PES1: variants seen among roughly 807,000 people sequenced by gnomAD.
PES1 encodes the protein pescadillo homolog.
A neutral mutation model predicts 77.1 loss-of-function variants in PES1; 31 were observed. That is an observed-to-expected ratio of 0.40 (90% CI 0.30 to 0.54). PES1 has a LOEUF of 0.54. Ranked by LOEUF, PES1 falls within the 20% of genes least tolerant of loss-of-function variation. The pLI, the probability that PES1 is intolerant of heterozygous loss-of-function variation, is 0.45. For synonymous variants in PES1, 282 were observed against 303.0 expected (o/e 0.93, Z 0.72); for missense variants, 658 against 771.7 (o/e 0.85, Z 1.75).
At chr22:30,602,226 G>T (rs932634375) in intron 2 of PES1, among the ~76,000 whole-genome samples, 2 of 152,028 alleles carry the variant, frequency 1.3e-5, no homozygotes, top group African/African-American at 4.8e-5. Context: ...TGATAGAGAG[G>T]GAGTTCTCAC....
chr22:30,583,126 C>T (rs780939937), intron 6 of PES1, among the ~76,000 whole-genome samples: 1 of 151,990 alleles, frequency 6.6e-6, no homozygotes, highest in Admixed American at 6.5e-5. Context: ...GGGGGCAGGA[C>T]ATCAGAGAGA....
chr22:30,576,918 G>T lies in PES1; in HGVS notation c.*128C>A. 1 of 787,826 alleles carries T rather than the reference G, an allele frequency of 1.3e-6. No individual in the cohort carries two copies. Among genetic ancestry groups the T allele is most frequent in the Non-Finnish European group, 2.2e-6 (1 of 456,448 alleles). 48.8% of individuals were successfully genotyped at this position (787,826 alleles called of 1,614,324 possible). On this transcript the variant is annotated 3_prime_UTR_variant, in exon 15 of 15. Transcript: ENST00000354694. Reference sequence around the variant, plus strand: ...ACTGGCCCAGCCAGAGAGCATGAGGGGTCAGGGCTGGCTGGAGAAAGGAGG... The same window carrying T: ...ACTGGCCCAGCCAGAGAGCATGAGGTGTCAGGGCTGGCTGGAGAAAGGAGG...
intron 6 of PES1, 23 bp from the exon 7 acceptor site, chr22:30,581,667 G>A (rs757587098): frequency 3.2e-5 from 49 of 1,524,220 alleles, no homozygotes; most frequent in East Asian, 4.5e-5. Flanking sequence ...AGAGATGCAT[G>A]AGCAGTGTGG....
chr22:30,582,293 C>T (rs1159770266), intron 6 of PES1, among the ~76,000 whole-genome samples: 1 of 152,204 alleles, frequency 6.6e-6, no homozygotes, highest in African/African-American at 2.4e-5. Flanking sequence ...TTGAGTGACT[C>T]CCTCCTTGGG....
At chr22:30,597,863 T>C (rs1039432028) in intron 2 of PES1, among the ~76,000 whole-genome samples, 7 of 147,570 alleles carry the variant, frequency 4.7e-5, no homozygotes, top group East Asian at 3.9e-4. Context: ...CGGTTTTTTT[T>C]CCACGCAGTT....
At chr22:30,606,269 C>T (rs982998581) in intron 1 of PES1, among the ~76,000 whole-genome samples, 1 of 152,086 alleles carries the variant, frequency 6.6e-6, no homozygotes, top group African/African-American at 2.4e-5. Flanking sequence ...CTCACTTTGT[C>T]ACCCAAGCTG....
chr22:30,579,019 C>A, intron 13 of PES1, 21 bp from the exon 14 acceptor site: 2 of 1,606,784 alleles, frequency 1.2e-6, no homozygotes, highest in South Asian at 1.1e-5. Context: ...AAGGAGGGTG[C>A]TTATGGGGGC....
At chr22:30,605,488 C>T (rs760165922) in exon 2 of PES1, 164 of 985,228 alleles carry the variant, frequency 1.7e-4, no homozygotes, top group Non-Finnish European at 1.9e-4. Context: ...GAAGGCTATC[C>T]TCCATGGCCA....
At chr22:30,602,886 C>T (rs1297782797) in intron 2 of PES1, among the ~76,000 whole-genome samples, 1 of 143,076 alleles carries the variant, frequency 7.0e-6, no homozygotes, top group African/African-American at 2.7e-5. Context: ...TAGTGTCTTG[C>T]TATTTATCTT....
At chr22:30,595,666 TTCCCAGTGCC>T (rs1420074495), upstream of PES1, among the ~76,000 whole-genome samples, 4 of 152,104 alleles carry the variant, frequency 2.6e-5, no homozygotes, top group African/African-American at 9.7e-5. Flanking sequence ...TTCCCAGTCC[TTCCCAGTGCC>T]TGGTCCCAGT....
At position 30,579,235 on chromosome 22, in the gene PES1, C is replaced by T. The variant is rs1477313905; in HGVS notation, c.1423G>A (p.Gly475Arg). The change falls in exon 13 of 15, where the codon GGA becomes AGA. Residue 475 changes from glycine (G) to arginine (R), a missense_variant. Transcript: ENST00000354694. ...DNNEGDGDEEGENEEEEEDAE... is the reference protein window; with the variant it reads ...DNNEGDGDEERENEEEEEDAE... The stretch of plus-strand genomic sequence containing the variant: ...TCTTCCTCCTCCTCCTCATTTTCTC[C>T]CTCTTCATCACCATCACCTTCGTTG... 7 of 1,605,028 alleles carry T rather than the reference C, an allele frequency of 4.4e-6. No homozygotes were observed. The highest frequency in any genetic ancestry group is 2.5e-6 in the Non-Finnish European group (3 of 1,179,072).
At chr22:30,584,204 T>C (rs534514510) in intron 6 of PES1, 161 bp downstream of exon 6, 2 of 638,812 alleles carry the variant, frequency 3.1e-6, no homozygotes, top group Non-Finnish European at 5.6e-6. Context: ...CCGCTCTTAA[T>C]GAGGATGCTG....
At chr22:30,592,442 G>C (rs2087198438), upstream of PES1, 2 of 976,468 alleles carry the variant, frequency 2.0e-6, no homozygotes, top group Admixed American at 1.2e-4. Flanking sequence ...CGGAGGTATA[G>C]AGATCCTAGA....
chr22:30,584,569 T>A lies in PES1; in HGVS notation c.517A>T (p.Ile173Phe). ...RLTVEFMHYI[I>F]AARALRKVFL... ...ACCTTGCGCAGGGCACGGGCAGCGATAATGTAGTGCATGAACTCCACAGTG... is the reference window on the plus strand; with the variant it reads ...ACCTTGCGCAGGGCACGGGCAGCGAAAATGTAGTGCATGAACTCCACAGTG... The change falls in exon 5 of 15, where the codon ATC (isoleucine) becomes TTC (phenylalanine). Residue 173 changes from isoleucine (I) to phenylalanine (F), a missense_variant. Ile to Phe is a conservative substitution (Grantham distance 21, BLOSUM62 0). Coordinates refer to ENST00000354694, the MANE Select transcript of PES1 (RefSeq NM_014303.4). 1 of 1,612,276 alleles carries A rather than the reference T, an allele frequency of 6.2e-7. No individual in the cohort carries two copies. The highest frequency in any genetic ancestry group is 8.5e-7 in the Non-Finnish European group (1 of 1,179,224).
intron 13 of PES1, 30 bp downstream of exon 13, chr22:30,579,107 G>A: frequency 1.2e-6 from 2 of 1,606,630 alleles, no homozygotes; most frequent in Non-Finnish European, 8.5e-7. Flanking sequence ...CTGCTTCCCA[G>A]GCCAAGCCCC....
intron 14 of PES1, 66 bp downstream of exon 14, chr22:30,578,771 T>A: frequency 1.3e-6 from 2 of 1,547,054 alleles, no homozygotes; most frequent in South Asian, 1.2e-5. Context: ...CCAAGCCACA[T>A]AAGTTCACCT....
chr22:30,605,615 C>G (rs1461527789), intron 1 of PES1: 2 of 295,538 alleles, frequency 6.8e-6, no homozygotes, highest in Admixed American at 1.3e-4. Context: ...CCATTGCACA[C>G]ACTTCACCAT....
At chr22:30,597,877 GTTTT>G (rs761137935) in intron 2 of PES1, among the ~76,000 whole-genome samples, 4 of 90,576 alleles carry the variant, frequency 4.4e-5, no homozygotes, top group Non-Finnish European at 9.6e-5. Context: ...CGCAGTTGAA[GTTTT>G]GTTTTTTTTT....
upstream of PES1, among the ~76,000 whole-genome samples, chr22:30,593,673 T>C (rs919862169): frequency 4.6e-5 from 7 of 152,158 alleles, no homozygotes; most frequent in Non-Finnish European, 1.0e-4. Flanking sequence ...TTGCAGAAAG[T>C]TGAGCCTTGT....
Sources: gnomAD v4.1 joint callset for allele counts (sites outside exome capture counted in the v4.1 genomes callset) on GRCh38, gnomAD v4.1.1 for gene constraint, MANE v1.5 for transcripts, NCBI Gene and HGNC (gene_info 2026-07-23, HGNC 2026-07-21) for gene names.